Variants in SLC9D1 observed in about 807,000 individuals in gnomAD.
SLC9D1 encodes putative LAG1-interacting protein.
At chr13:113,500,119 C>T in the SLC9D1 span, 1 of 1,562,816 alleles carries the variant, frequency 6.4e-7, no homozygotes, top group Non-Finnish European at 8.7e-7. Flanking sequence ...GAGATTCAAC[C>T]ATCCCACGTG....
chr13:113,522,877 G>T, the SLC9D1 span, among the ~76,000 whole-genome samples: 1 of 151,320 alleles, frequency 6.6e-6, no homozygotes, highest in South Asian at 2.1e-4. Context: ...TGATCTGCCC[G>T]CCTCAGCCTC....
chr13:113,524,012 G>A, the SLC9D1 span: 6 of 423,766 alleles, frequency 1.4e-5, no homozygotes, highest in Non-Finnish European at 2.9e-5. Flanking sequence ...CATTTGTTGA[G>A]GTTTGTTTTA....
the SLC9D1 span, among the ~76,000 whole-genome samples, chr13:113,508,695 G>T: frequency 2.6e-5 from 4 of 152,328 alleles, no homozygotes; most frequent in African/African-American, 7.2e-5. Flanking sequence ...GCCTCATGGG[G>T]TTGGAAGGCA....
chr13:113,522,804 A>G, the SLC9D1 span, among the ~76,000 whole-genome samples: 854 of 149,986 alleles, frequency 5.7e-3, 6 homozygotes, highest in African/African-American at 0.015. Context: ...GCTAATTTTC[A>G]TATTTTTAGT....
At chr13:113,496,131 G>C in the SLC9D1 span, 12 of 819,988 alleles carry the variant, frequency 1.5e-5, no homozygotes, top group African/African-American at 2.1e-4. Context: ...CCCACACGGA[G>C]CTGGGGAGCA....
chr13:113,541,374 T>C, the SLC9D1 span, among the ~76,000 whole-genome samples: 36 of 132,834 alleles, frequency 2.7e-4, no homozygotes, highest in East Asian at 4.8e-4. Context: ...GCTTTATTAC[T>C]GCCCAGATGT....
the SLC9D1 span, among the ~76,000 whole-genome samples, chr13:113,517,236 T>TTTG: frequency 1.5e-4 from 23 of 152,034 alleles, no homozygotes; most frequent in Non-Finnish European, 3.4e-4. Flanking sequence ...TCATGCAGCC[T>TTTG]TTGTTGTTGT....
At chr13:113,520,730 C>CT in the SLC9D1 span, 2 of 1,604,898 alleles carry the variant, frequency 1.2e-6, no homozygotes, top group Non-Finnish European at 1.7e-6. Flanking sequence ...AGTGCATCTT[C>CT]TAGGTAAACG....
chr13:113,531,097 C>G, the SLC9D1 span, among the ~76,000 whole-genome samples: 1 of 152,254 alleles, frequency 6.6e-6, no homozygotes, highest in African/African-American at 2.4e-5. Flanking sequence ...TGAGCACCCA[C>G]TGCCACCATC....
At chr13:113,547,458 G>A in the SLC9D1 span, 13 of 1,188,880 alleles carry the variant, frequency 1.1e-5, no homozygotes, top group Non-Finnish European at 1.5e-5. Context: ...TTTCCAGTGG[G>A]GCCCACATCG....
At chr13:113,537,814 G>A in the SLC9D1 span, among the ~76,000 whole-genome samples, 6 of 152,154 alleles carry the variant, frequency 3.9e-5, no homozygotes, top group South Asian at 1.2e-3. Context: ...ATTCACATGC[G>A]TTTCTGAATG....
chr13:113,546,927 G>A, the SLC9D1 span, among the ~76,000 whole-genome samples: 1 of 152,088 alleles, frequency 6.6e-6, no homozygotes, highest in East Asian at 1.9e-4. This position sits in a 1 kb window ranked among gnomAD's most constrained non-coding sequence, Gnocchi z 7.1. Flanking sequence ...GGCACTCCTG[G>A]GCACTCCTGG....
the SLC9D1 span, among the ~76,000 whole-genome samples, chr13:113,543,649 C>G: frequency 6.7e-6 from 1 of 148,972 alleles, no homozygotes; most frequent in Non-Finnish European, 1.5e-5. Flanking sequence ...TCAGGCCTGA[C>G]CTGATTTTTC....
the SLC9D1 span, chr13:113,495,903 A>G: frequency 1.2e-6 from 2 of 1,614,148 alleles, no homozygotes; most frequent in Non-Finnish European, 1.7e-6. Flanking sequence ...TGAAAGTGAA[A>G]ATTCCGTTTT....
At chr13:113,502,520 T>A in the SLC9D1 span, among the ~76,000 whole-genome samples, 1 of 152,146 alleles carries the variant, frequency 6.6e-6, no homozygotes, top group Non-Finnish European at 1.5e-5. Context: ...GCCCATTAAC[T>A]GTTTTTAAGC....
chr13:113,541,095 T>G, the SLC9D1 span, among the ~76,000 whole-genome samples: 1 of 152,202 alleles, frequency 6.6e-6, no homozygotes, highest in Non-Finnish European at 1.5e-5. Flanking sequence ...AGTGCCATAC[T>G]GTTCTGGTTG....
the SLC9D1 span, among the ~76,000 whole-genome samples, chr13:113,514,722 T>C: frequency 1.3e-5 from 2 of 152,032 alleles, no homozygotes; most frequent in African/African-American, 4.8e-5. Flanking sequence ...ACGAGCTTGC[T>C]GCCAAGCTTT....
chr13:113,536,049 T>C, the SLC9D1 span, among the ~76,000 whole-genome samples: 1 of 152,232 alleles, frequency 6.6e-6, no homozygotes, highest in Non-Finnish European at 1.5e-5. Flanking sequence ...TGTATTACTC[T>C]TAAAACTGCA....
chr13:113,538,237 G>GGT, the SLC9D1 span, among the ~76,000 whole-genome samples: 2 of 78,624 alleles, frequency 2.5e-5, no homozygotes, highest in African/African-American at 1.8e-4. Context: ...TGCTTTGTGT[G>GGT]GTGTGTGTGT....
Sources: gnomAD v4.1 joint callset for allele counts (sites outside exome capture counted in the v4.1 genomes callset) on GRCh38, gnomAD v4.1.1 for gene constraint, Gnocchi (gnomAD v3.1) non-coding constraint, MANE v1.5 for transcripts, NCBI Gene and HGNC (gene_info 2026-07-23, HGNC 2026-07-21) for gene names.